ARHGEF33: variants seen among roughly 807,000 people sequenced by gnomAD.
ARHGEF33 encodes DH and coiled-coil domain-containing protein ENSP00000381780.
A neutral mutation model predicts 101.9 loss-of-function variants in ARHGEF33; 72 were observed. The observed-to-expected ratio is 0.71, with a 90% confidence interval of 0.58 to 0.86. The LOEUF (loss-of-function observed/expected upper bound fraction) is 0.86, where lower values mean the gene tolerates loss of function less well. Among genes scored for constraint, ARHGEF33 ranks in the 40% least tolerant of loss-of-function variants. The pLI is 0.00. For synonymous variants in ARHGEF33, 499 were observed against 442.5 expected (o/e 1.13, Z -1.60); for missense variants, 1,169 against 1,111.3 (o/e 1.05, Z -0.74).
In ARHGEF33 at chr2:38,961,036, C is replaced by G. The variant is rs185281494; in HGVS notation, c.2343+388C>G. Among the ~76,000 whole-genome samples, 309 of 152,052 alleles carry G rather than the reference C, an allele frequency of 2.0e-3. 3 individuals are homozygous for G. Among genetic ancestry groups the G allele is most frequent in the African/African-American group, 6.9e-3 (285 of 41,478 alleles). Reference sequence around the variant, plus strand: ...TGAAGAGTTGCACTTTTTTCAGAGCCCCGCACGCAGGTCCCGGGCCAGTGT... The same window carrying G: ...TGAAGAGTTGCACTTTTTTCAGAGCGCCGCACGCAGGTCCCGGGCCAGTGT... On this transcript the variant is annotated intron_variant, in intron 16 of 17. Coordinates refer to ENST00000409978, the MANE Select transcript of ARHGEF33 (RefSeq NM_001145451.5).
chr2:38,896,509 C>T (rs1666126136), intron 2 of ARHGEF33, among the ~76,000 whole-genome samples: 1 of 152,138 alleles, frequency 6.6e-6, no homozygotes, highest in African/African-American at 2.4e-5. Context: ...ATCTACTTTC[C>T]ATTGAAGTTA....
Position 38,956,958 on chromosome 2 carries a change from C to G in ARHGEF33, c.1281C>G (p.Val427=). The change falls in exon 14 of 18, where the codon GTC becomes GTG. Residue 427 remains valine (V), a synonymous_variant. Transcript: ENST00000409978. The stretch of plus-strand genomic sequence containing the variant: ...ACTATTATCTACTACTGGTGTGTGT[C>G]CAGCGCCTCCGAGTATTTATCTCAC... ...HPDYYLLLVC[V]QRLRVFISHY... The G allele has an allele frequency of 6.4e-7, 1 of 1,552,316 alleles. No individual in the cohort carries two copies. Among genetic ancestry groups the G allele is most frequent in the Non-Finnish European group, 8.7e-7 (1 of 1,147,110 alleles).
intron 9 of ARHGEF33, among the ~76,000 whole-genome samples, chr2:38,940,672 G>A (rs915037848): frequency 3.3e-5 from 5 of 152,058 alleles, no homozygotes; most frequent in African/African-American, 1.2e-4. Context: ...TAATCACTTG[G>A]CGGGTCCTTC....
intron 15 of ARHGEF33, among the ~76,000 whole-genome samples, chr2:38,959,136 ACCCTAT>A (rs1553346282): frequency 6.6e-6 from 1 of 152,204 alleles, no homozygotes; most frequent in Non-Finnish European, 1.5e-5. Context: ...ATCTGATGGT[ACCCTAT>A]CCTAGTTTGT....
intron 8 of ARHGEF33, 127 bp from the exon 9 acceptor site, chr2:38,937,208 A>G (rs113824924): frequency 0.04 from 24,258 of 609,108 alleles, 592 homozygotes; most frequent in Middle Eastern, 0.07. Context: ...GTTAGCCAGG[A>G]TGGTCTCAAT....
At chr2:38,953,304 C>A in intron 12 of ARHGEF33, 59 bp downstream of exon 12, 1 of 992,404 alleles carries the variant, frequency 1.0e-6, no homozygotes, top group South Asian at 1.4e-5. Flanking sequence ...TATGATGTTG[C>A]TCATCCACCC....
At chr2:38,933,674 C>T (rs978230982) in intron 7 of ARHGEF33, among the ~76,000 whole-genome samples, 27 of 152,198 alleles carry the variant, frequency 1.8e-4, no homozygotes, top group Admixed American at 2.0e-4. Flanking sequence ...CACGACCGAC[C>T]CATAGTCTTT....
At chr2:38,949,740 GA>G (rs1342575037) in intron 10 of ARHGEF33, among the ~76,000 whole-genome samples, 2 of 152,170 alleles carry the variant, frequency 1.3e-5, no homozygotes, top group African/African-American at 4.8e-5. Context: ...GGTTTAATTG[GA>G]TCACGGTTCT....
At chr2:38,945,813 T>G (rs1354765607) in intron 10 of ARHGEF33, among the ~76,000 whole-genome samples, 2 of 152,178 alleles carry the variant, frequency 1.3e-5, no homozygotes, top group Non-Finnish European at 2.9e-5. Context: ...GGCACTTGAT[T>G]CGTAACTTCA....
intron 2 of ARHGEF33, among the ~76,000 whole-genome samples, chr2:38,914,664 CAAAAA>C (rs199737558): frequency 2.1e-5 from 2 of 95,950 alleles, no homozygotes; most frequent in Non-Finnish European, 2.1e-5. Context: ...GACTCCATCT[CAAAAA>C]AAAAAAAAAA....
At position 38,975,034 on chromosome 2, in the gene ARHGEF33, G is replaced by A. The variant is rs1002000129; in HGVS notation, c.*1191G>A. On this transcript the variant is annotated 3_prime_UTR_variant, in exon 18 of 18. Transcript: ENST00000409978. ...ATTTGTCTTTATTCCCAGGCAGTTC[G>A]GTATAGTAAATTAGGGGTATTTGGT... 31 of 152,140 alleles carry A rather than the reference G, an allele frequency of 2.0e-4. No individual in the cohort carries two copies. Among genetic ancestry groups the A allele is most frequent in the African/African-American group, 7.2e-4 (30 of 41,438 alleles). 9.4% of individuals were successfully genotyped at this position (152,140 alleles called of 1,614,324 possible). A position where few individuals can be genotyped will look rare whatever the true frequency, so the allele number is the denominator to read the frequency against.
chr2:38,906,306 T>G (rs556279997), intron 2 of ARHGEF33, among the ~76,000 whole-genome samples: 179 of 152,294 alleles, frequency 1.2e-3, no homozygotes, highest in African/African-American at 3.8e-3. Flanking sequence ...ACTTCTCTTC[T>G]TTTTTTATTA....
In ARHGEF33 at chr2:38,953,256, G is replaced by C; in HGVS notation, c.1137+11G>C. The C allele has an allele frequency of 6.9e-7, 1 of 1,443,608 alleles. No homozygotes were observed. Among genetic ancestry groups the C allele is most frequent in the Non-Finnish European group, 9.5e-7 (1 of 1,047,952 alleles). 89.4% of individuals were successfully genotyped at this position (1,443,608 alleles called of 1,614,324 possible). A position where few individuals can be genotyped will look rare whatever the true frequency, so the allele number is the denominator to read the frequency against. On this transcript the variant is annotated intron_variant, in intron 12 of 17. Transcript: ENST00000409978. ...GTAGTCCTGAAAGAGGTGAGTTAAC[G>C]CCATATATATGCTATCCTTCATCTG...
chr2:38,913,656 A>G (rs1312406833), intron 2 of ARHGEF33, among the ~76,000 whole-genome samples: 1 of 151,994 alleles, frequency 6.6e-6, no homozygotes, highest in Non-Finnish European at 1.5e-5. Flanking sequence ...CACGCCTGTA[A>G]TCCCAGCTAT....
At chr2:38,967,867 A>G (rs1331895086) in intron 17 of ARHGEF33, among the ~76,000 whole-genome samples, 1 of 141,290 alleles carries the variant, frequency 7.1e-6, no homozygotes, top group Non-Finnish European at 1.5e-5. Context: ...GGCGTGAGCC[A>G]CCGCACCCGG....
intron 10 of ARHGEF33, among the ~76,000 whole-genome samples, chr2:38,947,920 C>G (rs1667492787): frequency 6.6e-6 from 1 of 152,174 alleles, no homozygotes; most frequent in African/African-American, 2.4e-5. Flanking sequence ...TGGCCTCATT[C>G]TGGGCTGACA....
At chr2:38,972,833 G>T (rs948261798) in intron 17 of ARHGEF33, among the ~76,000 whole-genome samples, 4 of 152,150 alleles carry the variant, frequency 2.6e-5, no homozygotes, top group African/African-American at 9.7e-5. Flanking sequence ...TTGTATAGAA[G>T]CTTTGGACAA....
At chr2:38,907,214 C>G (rs144160446) in intron 2 of ARHGEF33, among the ~76,000 whole-genome samples, 2 of 152,142 alleles carry the variant, frequency 1.3e-5, no homozygotes, top group East Asian at 3.9e-4. Flanking sequence ...CAAGTATGCA[C>G]GGGCTGTGGA....
rs1242325125 is a variant in ARHGEF33 at position 38,959,940 on chromosome 2, G to C, written c.1635G>C (p.Lys545Asn). ...KPSDWELEGR[K>N]HERPESLLAP... ...GTGACTGGGAGCTGGAGGGCAGGAA[G>C]CACGAGCGGCCCGAGAGCCTTCTGG... is the stretch of plus-strand genomic sequence containing the variant. Residue 545 changes from lysine to asparagine, a missense_variant, in exon 16 of 18, where the codon AAG becomes AAC. Lys to Asn is a moderately conservative substitution (Grantham distance 94). Coordinates refer to ENST00000409978, the MANE Select transcript of ARHGEF33 (RefSeq NM_001145451.5). 1.3e-6 allele frequency: 2 copies of C among 1,551,534 alleles called. No individual in the cohort carries two copies. Among genetic ancestry groups the C allele is most frequent in the African/African-American group, 2.7e-5 (2 of 73,054 alleles).
Sources: gnomAD v4.1 joint callset for allele counts (sites outside exome capture counted in the v4.1 genomes callset) on GRCh38, gnomAD v4.1.1 for gene constraint, MANE v1.5 for transcripts, NCBI Gene and HGNC (gene_info 2026-07-23, HGNC 2026-07-21) for gene names.